Variants in VASH2 observed in about 807,000 individuals in gnomAD.
VASH2 encodes the protein vasohibin 2, also known as tubulinyl-Tyr carboxypeptidase 2.
VASH2 carries 28 observed loss-of-function variants against 37.2 expected under a neutral mutation model. That is an observed-to-expected ratio of 0.75 (90% CI 0.56 to 1.03). The LOEUF is 1.03. Ranked by LOEUF, VASH2 falls within the 50% of genes least tolerant of loss-of-function variation. VASH2 has a pLI of 0.00. For synonymous variants in VASH2, 188 were observed against 174.7 expected, an observed-to-expected ratio of 1.08 and a Z score of -0.60; for missense variants, 419 against 459.1, an observed-to-expected ratio of 0.91 and a Z score of 0.80.
rs188606674 is a variant in VASH2, at chr1:212,991,140, T to C, written c.*2556T>C. The C allele has an allele frequency of 1.1e-4, 13 of 115,122 alleles. No individual in the cohort carries two copies. The highest frequency in any genetic ancestry group is 8.2e-4 in the Admixed American group (8 of 9,734). The allele number at this position is 115,122 out of a possible 1,614,324, so 7.1% of individuals were successfully genotyped here. ...ATTTTAGACTGTATGTTGTGCTGTT[T>C]TGAGTACACTTTATTTCGGAGATAT... is the stretch of plus-strand genomic sequence containing the variant. On this transcript the variant is annotated 3_prime_UTR_variant, in exon 8 of 8. Transcript: ENST00000517399.
chr1:212,952,686 C>G (rs1439617552), intron 2 of VASH2: 3 of 152,184 alleles, frequency 2.0e-5, no homozygotes, highest in African/African-American at 4.8e-5. Flanking sequence ...GAAATGCTGC[C>G]GAGCCTCGGG....
chr1:212,961,282 A>G, intron 3 of VASH2, 28 bp downstream of exon 3: 1 of 1,613,896 alleles, frequency 6.2e-7, no homozygotes, highest in Non-Finnish European at 8.5e-7. Context: ...GTCTGAGCAC[A>G]CCCAGCCAGG....
intron 7 of VASH2, among the ~76,000 whole-genome samples, chr1:212,986,858 C>G (rs1322766316): frequency 6.6e-6 from 1 of 152,164 alleles, no homozygotes; most frequent in Admixed American, 6.5e-5. Context: ...GGCATAATTC[C>G]TGACCGATAA....
chr1:212,990,284 A>G lies in VASH2; in HGVS notation c.*1700A>G, dbSNP rs958899095. ...TCTCCATTAGATTAAAATGTAGCACAGGGTTAAAAATTATCAGTTTAATCT... is the reference window on the plus strand; with the variant it reads ...TCTCCATTAGATTAAAATGTAGCACGGGGTTAAAAATTATCAGTTTAATCT... On this transcript the variant is annotated 3_prime_UTR_variant, in exon 8 of 8. Coordinates refer to ENST00000517399, the MANE Select transcript of VASH2 (RefSeq NM_001301056.2). 6.6e-6 allele frequency: 1 copy of G among 152,244 alleles called. No homozygotes were observed. Among genetic ancestry groups the G allele is most frequent in the African/African-American group, 2.4e-5 (1 of 41,474 alleles). The allele number at this position is 152,244 out of a possible 1,614,324, so 9.4% of individuals were successfully genotyped here.
At chr1:212,987,163 A>G (rs930686283) in intron 7 of VASH2, among the ~76,000 whole-genome samples, 5 of 152,048 alleles carry the variant, frequency 3.3e-5, no homozygotes, top group Non-Finnish European at 7.4e-5. Flanking sequence ...AATTAGTTGG[A>G]CCACTTTTAT....
Position 212,958,670 on chromosome 1 carries a change from T to A in VASH2, c.277-2496T>A, listed in dbSNP as rs868651935. ...GAGCATTTTCCCACACTTACCAGCT[T>A]TTCTATTAAAGAGGTTCAGACTGTG... is the stretch of plus-strand genomic sequence containing the variant. On this transcript the variant is annotated intron_variant, in intron 2 of 7. Transcript: ENST00000517399. Among the ~76,000 whole-genome samples the A allele has an allele frequency of 2.0e-5, 3 of 152,278 alleles. No individual in the cohort carries two copies. In the Middle Eastern group the frequency reaches 0.01, roughly 518 times the overall value.
chr1:212,977,088 T>A (rs1667198520), intron 7 of VASH2, among the ~76,000 whole-genome samples: 1 of 152,002 alleles, frequency 6.6e-6, no homozygotes, highest in Admixed American at 6.6e-5. Context: ...CACTATGCAC[T>A]GAGGTGACAT....
intron 6 of VASH2, chr1:212,973,543 A>T (rs1667074274): frequency 2.3e-6 from 3 of 1,288,468 alleles, no homozygotes; most frequent in Admixed American, 2.3e-5. Flanking sequence ...TGATCAATTA[A>T]AACCATTCTG....
chr1:212,988,565 G>A lies in VASH2; in HGVS notation c.1049G>A (p.Gly350Asp). 6.2e-7 allele frequency: 1 copy of A among 1,614,146 alleles called. No individual in the cohort carries two copies. Among genetic ancestry groups the A allele is most frequent in the Non-Finnish European group, 8.5e-7 (1 of 1,179,986 alleles). Reference sequence around the variant, plus strand: ...GATCTGAGCACTCTGAATGAAGTGGGCTATCAAATCCGAATTTAGCCAAGC... The same window carrying A: ...GATCTGAGCACTCTGAATGAAGTGGACTATCAAATCCGAATTTAGCCAAGC... The part of the protein sequence containing the change: ...VADLSTLNEV[G>D]YQIRI The change falls in exon 8 of 8, where the codon GGC (glycine) becomes GAC (aspartate). Residue 350 changes from glycine (G) to aspartate (D), a missense_variant. By Grantham distance (94) the Gly-to-Asp change is moderately conservative (BLOSUM62 -1). This residue lies in a region of VASH2 where 177 missense variants were observed against 166.2 expected (regional missense o/e 1.06). Coordinates refer to ENST00000517399, the MANE Select transcript of VASH2 (RefSeq NM_001301056.2).
At chr1:212,966,888 C>T (rs942484850) in intron 5 of VASH2, 3 of 362,790 alleles carry the variant, frequency 8.3e-6, no homozygotes, top group Admixed American at 3.5e-5. Flanking sequence ...CCACCATGCC[C>T]GGCTAATTTT....
At chr1:212,986,707 G>A (rs990037946) in intron 7 of VASH2, among the ~76,000 whole-genome samples, 1 of 150,190 alleles carries the variant, frequency 6.7e-6, no homozygotes, top group South Asian at 2.1e-4. Context: ...ACCATCCCCT[G>A]AAGGATGGAA....
At chr1:212,954,891 G>A (rs1666435730) in intron 2 of VASH2, among the ~76,000 whole-genome samples, 1 of 152,136 alleles carries the variant, frequency 6.6e-6, no homozygotes, top group Non-Finnish European at 1.5e-5. Context: ...CTTAATGGTT[G>A]GTTCTCTATC....
chr1:212,972,838 C>T lies in VASH2; in HGVS notation c.756C>T (p.Val252=). 1.2e-6 allele frequency: 2 copies of T among 1,614,154 alleles called. No homozygotes were observed. Among genetic ancestry groups the T allele is most frequent in the Non-Finnish European group, 1.7e-6 (2 of 1,180,034 alleles). Residue 252 remains valine (V), a synonymous_variant, in exon 6 of 8, where the codon GTC becomes GTT. Coordinates refer to ENST00000517399, the MANE Select transcript of VASH2 (RefSeq NM_001301056.2). ...TVKKVKIGLY[V]PHEPHSFQPI... is the part of the protein sequence containing the mutation. ...AGAAGGTCAAGATTGGGCTGTACGT[C>T]CCCCATGAGCCTCATAGCTTCCAGC...
At position 212,972,662 on chromosome 1, in the gene VASH2, G is replaced by A. The variant is rs1013655646; in HGVS notation, c.580G>A (p.Val194Ile). 4 of 1,614,212 alleles carry A rather than the reference G, an allele frequency of 2.5e-6. No individual in the cohort carries two copies. The highest frequency in any genetic ancestry group is 1.7e-5 in the Admixed American group (1 of 60,032). ...CTTCTCAGGAAACTACTTTCACCAC[G>A]TTGTGCTGGGGATTTACTGCAATGG... The part of the protein sequence containing the change: ...TYFSGNYFHH[V>I]VLGIYCNGRY... Residue 194 changes from valine (V) to isoleucine (I), a missense_variant, in exon 6 of 8, where the codon GTT becomes ATT. Val to Ile is a conservative substitution (Grantham distance 29). Coordinates refer to ENST00000517399, the MANE Select transcript of VASH2 (RefSeq NM_001301056.2).
intron 2 of VASH2, among the ~76,000 whole-genome samples, chr1:212,954,065 C>T (rs529139733): frequency 8.5e-5 from 13 of 152,140 alleles, no homozygotes; most frequent in African/African-American, 2.9e-4. Context: ...CACGTACCAC[C>T]CAACCTGGCT....
intron 7 of VASH2, among the ~76,000 whole-genome samples, chr1:212,983,586 C>T (rs759773659): frequency 6.6e-5 from 10 of 152,206 alleles, no homozygotes; most frequent in African/African-American, 2.2e-4. Flanking sequence ...TTTCCAAACC[C>T]ATGAACTTTT....
rs58826561 is a variant in VASH2, at chr1:212,950,961, A to G, written c.-205+221A>G. 0.19 allele frequency among the ~76,000 whole-genome samples: 29,025 copies of G among 152,256 alleles called. 4,891 individuals are homozygous for G. The highest frequency in any genetic ancestry group is 0.45 in the African/African-American group (18,890 of 41,554). ...CGCCAGCTCTGGGCGCTCACATGCC[A>G]GCACGTTCGTGGCTCCCCTCCTCTC... On this transcript the variant is annotated intron_variant, in intron 1 of 7. Coordinates refer to ENST00000517399, the MANE Select transcript of VASH2 (RefSeq NM_001301056.2). This position sits in a 1 kb window ranked among gnomAD's most constrained non-coding sequence, Gnocchi z 5.5.
chr1:212,968,912 A>C (rs1392480786), intron 5 of VASH2: 1 of 985,088 alleles, frequency 1.0e-6, no homozygotes, highest in African/African-American at 1.8e-5. Context: ...CATTGAAATG[A>C]CCACCTCCCT....
In VASH2 at chr1:212,951,532, C is replaced by G. The variant is rs1023493194; in HGVS notation, c.-11C>G. 1.4e-5 allele frequency: 21 copies of G among 1,470,868 alleles called. No homozygotes were observed. The African/African-American group carries it at 2.1e-4, about 15-fold the overall frequency. The allele number at this position is 1,470,868 out of a possible 1,614,324, so 91.1% of individuals were successfully genotyped here. On this transcript the variant is annotated 5_prime_UTR_variant, in exon 2 of 8. Coordinates refer to ENST00000517399, the MANE Select transcript of VASH2 (RefSeq NM_001301056.2). The surrounding 1 kb of genome is among the most constrained non-coding windows in gnomAD (Gnocchi z 4.4). The stretch of plus-strand genomic sequence containing the variant: ...CGCCCCCAGTACCTCGCTCCCCGCC[C>G]AGGCCCCACCATGACCGGCTCCGCG...
Sources: gnomAD v4.1 joint callset for allele counts (sites outside exome capture counted in the v4.1 genomes callset) on GRCh38, gnomAD v4.1.1 for gene constraint, gnomAD v4.1.1 regional missense constraint, Gnocchi (gnomAD v3.1) non-coding constraint, MANE v1.5 for transcripts, NCBI Gene and HGNC (gene_info 2026-07-23, HGNC 2026-07-21) for gene names.